Variants in TOMM34 observed in about 807,000 individuals in gnomAD.
TOMM34 encodes the protein mitochondrial import receptor subunit TOM34.
TOMM34 carries 24 observed loss-of-function variants against 37.4 expected under a neutral mutation model. That is an observed-to-expected ratio of 0.64 (90% CI 0.46 to 0.90). TOMM34 has a LOEUF of 0.90. Among genes scored for constraint, TOMM34 ranks in the 40% least tolerant of loss-of-function variants. The probability of loss-of-function intolerance (pLI) is 0.00; values close to 1 mark genes in which losing one functional copy is unlikely to be tolerated. For missense variants in TOMM34, 304 were observed against 375.6 expected (o/e 0.81, Z 1.58); for synonymous variants, 154 against 148.9 (o/e 1.03, Z -0.25).
rs768816514 is a variant in TOMM34 at position 44,948,712 on chromosome 20, C to G, written c.698+18G>C. 1 of 1,613,198 alleles carries G rather than the reference C, an allele frequency of 6.2e-7. No individual in the cohort carries two copies. The highest frequency in any genetic ancestry group is 8.5e-7 in the Non-Finnish European group (1 of 1,179,358). ...AATGTCCTGAAATGCCCCAGGCCAG[C>G]AGCTGTATAGGAGATACCTGTTGCT... On this transcript the variant is annotated intron_variant, in intron 5 of 6. Transcript: ENST00000372813.
chr20:44,954,563 G>C (rs2067053833), intron 3 of TOMM34, among the ~76,000 whole-genome samples: 2 of 152,186 alleles, frequency 1.3e-5, no homozygotes, highest in Admixed American at 6.5e-5. Context: ...ATATCCATGA[G>C]ATAAAAGCCA....
At chr20:44,950,362 G>C (rs943709929) in intron 4 of TOMM34, among the ~76,000 whole-genome samples, 31 of 152,150 alleles carry the variant, frequency 2.0e-4, no homozygotes, top group African/African-American at 6.0e-4. Context: ...ACTTAAGTCA[G>C]TTTCTATCCT....
Position 44,943,099 on chromosome 20 carries a change from T to C in TOMM34, c.*10A>G, listed in dbSNP as rs759634009. 1.2e-6 allele frequency: 2 copies of C among 1,613,946 alleles called. No homozygotes were observed. The highest frequency in any genetic ancestry group is 2.2e-5 in the South Asian group (2 of 91,076). The stretch of plus-strand genomic sequence containing the variant: ...GGTCAGGCAGGGGTTCCAGTTGCCC[T>C]GTTGGGTTTTTAGTGTAGGTTCTGC... On this transcript the variant is annotated 3_prime_UTR_variant, in exon 7 of 7. Coordinates refer to ENST00000372813, the MANE Select transcript of TOMM34 (RefSeq NM_006809.5).
Position 44,951,707 on chromosome 20 carries a change from G to A in TOMM34, c.550+126C>T. ...TCTAAGAGGTGAAGACTTGTATTTT[G>A]TTTTATACTTTGTTCCTAAGATTAT... On this transcript the variant is annotated intron_variant, in intron 4 of 6. Transcript: ENST00000372813. 9.9e-6 allele frequency: 12 copies of A among 1,212,288 alleles called. No homozygotes were observed. In the South Asian group the frequency reaches 1.7e-4, roughly 18 times the overall value. 75.1% of individuals were successfully genotyped at this position (1,212,288 alleles called of 1,614,324 possible).
chr20:44,960,361 C>A lies in TOMM34; in HGVS notation c.-28G>T, dbSNP rs531020626. The stretch of plus-strand genomic sequence containing the variant: ...CGTGGCCAGGCCGGCGAGTTGGGAG[C>A]TCCTTCCTTCCTCCCCCGTGTGGTG... On this transcript the variant is annotated 5_prime_UTR_variant, in exon 1 of 7. Transcript: ENST00000372813. 3.9e-6 allele frequency: 6 copies of A among 1,536,060 alleles called. No individual in the cohort carries two copies. The highest frequency in any genetic ancestry group is 1.9e-5 in the Admixed American group (1 of 52,372).
In TOMM34 at chr20:44,948,909, A is replaced by G. The variant is rs201327075; in HGVS notation, c.551-32T>C. ...ACAAATTCAGAAGAGGAAAAAAACC[A>G]TGGAGCAGCACCCAACTGAGATCAG... On this transcript the variant is annotated intron_variant, in intron 4 of 6. Transcript: ENST00000372813. 6 of 1,609,632 alleles carry G rather than the reference A, an allele frequency of 3.7e-6. No homozygotes were observed. In the East Asian group the frequency reaches 1.3e-4, roughly 36 times the overall value.
In TOMM34 at chr20:44,942,805, T is replaced by C. The variant is rs2066946470; in HGVS notation, c.*304A>G. 2.2e-6 allele frequency: 1 copy of C among 453,914 alleles called. No homozygotes were observed. Among genetic ancestry groups the C allele is most frequent in the Admixed American group, 3.8e-5 (1 of 26,616 alleles). The allele number at this position is 453,914 out of a possible 1,614,324, so 28.1% of individuals were successfully genotyped here. A position where few individuals can be genotyped will look rare whatever the true frequency, so the allele number is the denominator to read the frequency against. The stretch of plus-strand genomic sequence containing the variant: ...CTTGGGCAGGACAAAGCCAAATGCT[T>C]TGCTGATGAGGATCTGTTGGTGTGA... On this transcript the variant is annotated 3_prime_UTR_variant, in exon 7 of 7. Coordinates refer to ENST00000372813, the MANE Select transcript of TOMM34 (RefSeq NM_006809.5).
chr20:44,946,415 G>A (rs2066981291), intron 5 of TOMM34, among the ~76,000 whole-genome samples: 1 of 152,162 alleles, frequency 6.6e-6, no homozygotes. Flanking sequence ...ATTACAAAGG[G>A]GTTGGGAAAT....
rs2067000278 is a variant in TOMM34, at chr20:44,948,606, TG to T, written c.698+123del. 5 of 1,213,870 alleles carry T rather than the reference TG, an allele frequency of 4.1e-6. No homozygotes were observed. In the South Asian group the frequency reaches 7.6e-5, roughly 19 times the overall value. 75.2% of individuals were successfully genotyped at this position (1,213,870 alleles called of 1,614,324 possible). On this transcript the variant is annotated intron_variant, in intron 5 of 6. Coordinates refer to ENST00000372813, the MANE Select transcript of TOMM34 (RefSeq NM_006809.5). ...GGTCATGGCTAGCTCACAACGTGGA[TG>T]CATGTTTTCAGCCATAACATACTTG...
chr20:44,942,965 A>T lies in TOMM34; in HGVS notation c.*144T>A. 1.4e-6 allele frequency: 1 copy of T among 690,208 alleles called. No individual in the cohort carries two copies. Among genetic ancestry groups the T allele is most frequent in the Non-Finnish European group, 2.5e-6 (1 of 395,890 alleles). 42.8% of individuals were successfully genotyped at this position (690,208 alleles called of 1,614,324 possible). ...AATTTGAACAAGCAAAGCCTCTTAC[A>T]GGGTGGGAGGCCATCAAGGGATTGA... On this transcript the variant is annotated 3_prime_UTR_variant, in exon 7 of 7. Coordinates refer to ENST00000372813, the MANE Select transcript of TOMM34 (RefSeq NM_006809.5).
intron 5 of TOMM34, among the ~76,000 whole-genome samples, chr20:44,946,570 C>T (rs1248076933): frequency 1.3e-5 from 2 of 152,152 alleles, no homozygotes; most frequent in Non-Finnish European, 2.9e-5. Flanking sequence ...ATGATCTAAG[C>T]TGAAGAACTG....
chr20:44,948,581 G>A, intron 5 of TOMM34, 149 bp downstream of exon 5: 3 of 973,210 alleles, frequency 3.1e-6, no homozygotes, highest in Non-Finnish European at 3.0e-6. Context: ...GAATGCCACT[G>A]GTCATGGCTA....
At chr20:44,947,081 A>G (rs1439766495) in intron 5 of TOMM34, among the ~76,000 whole-genome samples, 1 of 152,246 alleles carries the variant, frequency 6.6e-6, no homozygotes, top group Non-Finnish European at 1.5e-5. Flanking sequence ...TGATCCAGAA[A>G]AATGAGTTAA....
intron 4 of TOMM34, among the ~76,000 whole-genome samples, chr20:44,949,160 T>G (rs2067005535): frequency 6.6e-6 from 1 of 152,210 alleles, no homozygotes; most frequent in Admixed American, 6.5e-5. Context: ...GGTTCTAGCC[T>G]TGGCACTGCC....
chr20:44,947,155 A>G (rs2066987391), intron 5 of TOMM34, among the ~76,000 whole-genome samples: 1 of 152,186 alleles, frequency 6.6e-6, no homozygotes, highest in African/African-American at 2.4e-5. Context: ...AGGAGTTAGA[A>G]GATGCCACAC....
At chr20:44,956,888 A>G (rs977484547) in intron 1 of TOMM34, among the ~76,000 whole-genome samples, 14 of 151,332 alleles carry the variant, frequency 9.3e-5, no homozygotes, top group Non-Finnish European at 2.1e-4. Flanking sequence ...AAAAAAAAAG[A>G]AAAGAAAGGG....
intron 4 of TOMM34, among the ~76,000 whole-genome samples, chr20:44,951,059 C>CA (rs1468857736): frequency 1.3e-5 from 2 of 152,136 alleles, no homozygotes; most frequent in Non-Finnish European, 2.9e-5. Context: ...GGAGGTGGGG[C>CA]AGGTGCCTCA....
intron 5 of TOMM34, 60 bp downstream of exon 5, chr20:44,948,670 G>A: frequency 6.3e-7 from 1 of 1,596,456 alleles, no homozygotes; most frequent in Non-Finnish European, 8.6e-7. Flanking sequence ...TGCAGTCCAA[G>A]AGAAGACTAT....
intron 1 of TOMM34, among the ~76,000 whole-genome samples, chr20:44,959,543 C>T (rs2067106940): frequency 6.6e-6 from 1 of 152,234 alleles, no homozygotes; most frequent in South Asian, 2.1e-4. Flanking sequence ...CCTAACTGAC[C>T]TCATGTCTTC....
Sources: gnomAD v4.1 joint callset for allele counts (sites outside exome capture counted in the v4.1 genomes callset) on GRCh38, gnomAD v4.1.1 for gene constraint, MANE v1.5 for transcripts, NCBI Gene and HGNC (gene_info 2026-07-23, HGNC 2026-07-21) for gene names.